The following CACNB4 variants were observed in gnomAD, a reference collection of about 807,000 sequenced individuals.
The protein encoded by CACNB4 is voltage-dependent L-type calcium channel subunit beta-4.
In CACNB4, 32 loss-of-function variants were observed where a neutral mutation model predicts 71.2. The ratio of observed to expected loss-of-function variants is 0.45; its 90% CI spans 0.34 to 0.60. CACNB4 has a LOEUF of 0.60. CACNB4 is among the 20% of genes least tolerant of loss of function. The probability of loss-of-function intolerance (pLI) is 0.01; values close to 1 mark genes in which losing one functional copy is unlikely to be tolerated. For synonymous variants in CACNB4, 231 were observed against 236.9 expected (o/e 0.97, Z 0.23); for missense variants, 464 against 647.9 (o/e 0.72, Z 3.08).
intron 2 of CACNB4, among the ~76,000 whole-genome samples, chr2:151,903,327 A>C (rs2099853938): frequency 6.6e-6 from 1 of 152,090 alleles, no homozygotes; most frequent in African/African-American, 2.4e-5. Context: ...CAGCTTGGCC[A>C]ACACAGCAAA....
intron 2 of CACNB4, chr2:151,936,137 AT>A (rs1431990040): frequency 1.3e-5 from 2 of 152,216 alleles, no homozygotes; most frequent in Non-Finnish European, 2.9e-5. Flanking sequence ...CAATTCATGG[AT>A]TTTTCTGTGC....
At chr2:152,023,272 C>T (rs1683776019) in intron 2 of CACNB4, among the ~76,000 whole-genome samples, 1 of 152,030 alleles carries the variant, frequency 6.6e-6, no homozygotes, top group South Asian at 2.1e-4. Context: ...CCCACCAGGC[C>T]CTGCCCTCAA....
chr2:151,970,469 A>G (rs1372792701), intron 2 of CACNB4: 1 of 152,248 alleles, frequency 6.6e-6, no homozygotes, highest in Non-Finnish European at 1.5e-5. Context: ...ATAATTCCAC[A>G]AACATCAAAA....
chr2:152,045,256 A>G (rs557757848), intron 2 of CACNB4, among the ~76,000 whole-genome samples: 4 of 152,314 alleles, frequency 2.6e-5, no homozygotes, highest in African/African-American at 4.8e-5. Context: ...CAGTAGCCAA[A>G]AGGTAGAAAC....
chr2:151,896,019 T>C (rs1435252363), intron 2 of CACNB4, among the ~76,000 whole-genome samples: 1 of 152,142 alleles, frequency 6.6e-6, no homozygotes, highest in Non-Finnish European at 1.5e-5. Context: ...TAATTTTTTG[T>C]ATTTTTTGTA....
At chr2:152,046,001 A>T (rs80121656) in intron 2 of CACNB4, among the ~76,000 whole-genome samples, 1 of 152,216 alleles carries the variant, frequency 6.6e-6, no homozygotes, top group South Asian at 2.1e-4. Flanking sequence ...CTGAGAATCA[A>T]TGGAAGGATG....
At chr2:152,003,605 C>T (rs1008577414) in intron 2 of CACNB4, among the ~76,000 whole-genome samples, 1 of 152,156 alleles carries the variant, frequency 6.6e-6, no homozygotes, top group African/African-American at 2.4e-5. Flanking sequence ...GTTCCCTCCT[C>T]CCCCTTCTCT....
chr2:151,904,655 C>T (rs2099854319), intron 2 of CACNB4, among the ~76,000 whole-genome samples: 1 of 151,900 alleles, frequency 6.6e-6, no homozygotes, highest in Non-Finnish European at 1.5e-5. Flanking sequence ...CTGCCTCAGC[C>T]TCTCAAGTAG....
intron 2 of CACNB4, among the ~76,000 whole-genome samples, chr2:152,074,029 G>A (rs1686851658): frequency 2.6e-5 from 4 of 152,118 alleles, no homozygotes; most frequent in Admixed American, 6.5e-5. Context: ...TCCTAGGTAA[G>A]CCCATGTGAA....
intron 2 of CACNB4, among the ~76,000 whole-genome samples, chr2:151,913,392 C>T (rs1335769653): frequency 1.3e-5 from 2 of 152,138 alleles, no homozygotes; most frequent in African/African-American, 4.8e-5. Flanking sequence ...ATTTGCTTGT[C>T]TGAGAAGGAT....
intron 2 of CACNB4, among the ~76,000 whole-genome samples, chr2:152,057,825 G>T (rs1350312044): frequency 7.1e-6 from 1 of 141,790 alleles, no homozygotes; most frequent in East Asian, 1.9e-4. Flanking sequence ...CAGAGGGAAG[G>T]AAACTTTTAT....
At chr2:152,068,295 A>C (rs1686462398) in intron 2 of CACNB4, among the ~76,000 whole-genome samples, 2 of 152,172 alleles carry the variant, frequency 1.3e-5, no homozygotes, top group Admixed American at 6.5e-5. Context: ...GAGACCCTGC[A>C]AAGTCTTCAC....
chr2:151,880,568 C>T lies in CACNB4; in HGVS notation c.390+232G>A, dbSNP rs564685764. On this transcript the variant is annotated intron_variant, in intron 4 of 13. Coordinates refer to ENST00000539935, the MANE Select transcript of CACNB4 (RefSeq NM_000726.5). Reference sequence around the variant, plus strand: ...CATAGAGGTCTGTCAGAAATCTATGCTATAATTTTAAGGTTGACTGTGATT... The same window carrying T: ...CATAGAGGTCTGTCAGAAATCTATGTTATAATTTTAAGGTTGACTGTGATT... 4.9e-5 allele frequency: 26 copies of T among 525,418 alleles called. No homozygotes were observed. The South Asian group carries it at 6.1e-4, about 12-fold the overall frequency. The allele number at this position is 525,418 out of a possible 1,614,324, so 32.5% of individuals were successfully genotyped here. A position where few individuals can be genotyped will look rare whatever the true frequency, so the allele number is the denominator to read the frequency against.
Position 151,839,129 on chromosome 2 carries a change from T to C in CACNB4, c.1553A>G (p.His518Arg), listed in dbSNP as rs377492950. The change falls in exon 14 of 14, where the codon CAT becomes CGT. Residue 518 changes from histidine to arginine, a missense_variant. By Grantham distance (29) the His-to-Arg change is conservative. Coordinates refer to ENST00000539935, the MANE Select transcript of CACNB4 (RefSeq NM_000726.5). ...TTTGTTTCATTAGACTCAAAGCCTA[T>C]GTCGGGAGTCATGGCTATATCCCCC... ...SPGGYSHDSR[H>R]RL 15 of 1,609,970 alleles carry C rather than the reference T, an allele frequency of 9.3e-6. No individual in the cohort carries two copies. In the African/African-American group the frequency reaches 1.3e-4, roughly 14 times the overall value.
At chr2:151,940,270 C>T (rs2099863919) in intron 2 of CACNB4, among the ~76,000 whole-genome samples, 1 of 152,190 alleles carries the variant, frequency 6.6e-6, no homozygotes, top group Non-Finnish European at 1.5e-5. Context: ...AACCAAACAG[C>T]ATGACACAGG....
At chr2:152,020,830 T>C (rs985946247) in intron 2 of CACNB4, among the ~76,000 whole-genome samples, 1 of 152,202 alleles carries the variant, frequency 6.6e-6, no homozygotes, top group African/African-American at 2.4e-5. Context: ...GGCAAAAACC[T>C]AACCTCGGGC....
intron 2 of CACNB4, chr2:151,973,615 G>A: frequency 6.6e-7 from 1 of 1,515,362 alleles, no homozygotes; most frequent in Non-Finnish European, 9.1e-7. Flanking sequence ...GGAGGGGATA[G>A]TGGGAGGAGG....
chr2:151,838,739 A>T lies in CACNB4; in HGVS notation c.*380T>A, dbSNP rs1471839957. 1.3e-5 allele frequency: 2 copies of T among 155,876 alleles called. No homozygotes were observed. The highest frequency in any genetic ancestry group is 2.8e-5 in the Non-Finnish European group (2 of 70,500). 9.7% of individuals were successfully genotyped at this position (155,876 alleles called of 1,614,324 possible). ...TAGACTTTCTAGTCAATTCACCCAAATTCCAACAGGAATTGGTTTATAAAT... is the reference window on the plus strand; with the variant it reads ...TAGACTTTCTAGTCAATTCACCCAATTTCCAACAGGAATTGGTTTATAAAT... On this transcript the variant is annotated 3_prime_UTR_variant, in exon 14 of 14. Coordinates refer to ENST00000539935, the MANE Select transcript of CACNB4 (RefSeq NM_000726.5).
At chr2:152,041,514 G>A (rs941531679) in intron 2 of CACNB4, among the ~76,000 whole-genome samples, 2 of 152,140 alleles carry the variant, frequency 1.3e-5, no homozygotes, top group African/African-American at 4.8e-5. Context: ...GCCAGGCCAG[G>A]GGCTGAAGGG....
Sources: allele counts gnomAD v4.1 joint callset (sites outside exome capture counted in the v4.1 genomes callset), GRCh38; gene constraint gnomAD v4.1.1; transcripts MANE v1.5; gene names NCBI Gene and HGNC (gene_info 2026-07-23, HGNC 2026-07-21).